PLEKHA4: variants seen among roughly 807,000 people sequenced by gnomAD.
PLEKHA4 encodes pleckstrin homology domain-containing family A member 4.
PLEKHA4 carries 73 observed loss-of-function variants against 94.7 expected under a neutral mutation model. That is an observed-to-expected ratio of 0.77 (90% CI 0.64 to 0.94). PLEKHA4 has a LOEUF of 0.94. Ranked by LOEUF, PLEKHA4 falls within the 40% of genes least tolerant of loss-of-function variation. The probability of loss-of-function intolerance (pLI) is 0.00; values close to 1 mark genes in which losing one functional copy is unlikely to be tolerated. For synonymous variants in PLEKHA4, 449 were observed against 437.1 expected (o/e 1.03, Z -0.34); for missense variants, 1,049 against 1,054.1 (o/e 1.00, Z 0.07).
Position 48,837,370 on chromosome 19 carries a change from A to G in PLEKHA4, c.2259T>C (p.Asp753=), listed in dbSNP as rs1568529571. 2 of 1,613,626 alleles carry G rather than the reference A, an allele frequency of 1.2e-6. No homozygotes were observed. Among genetic ancestry groups the G allele is most frequent in the Non-Finnish European group, 1.7e-6 (2 of 1,179,954 alleles). ...GGPTPWGPAW[D]AGIAPPVLPQ... Reference sequence around the variant, plus strand: ...GCAGGACCGGAGGGGCGATCCCGGCATCCCACGCGGGCCCCCAGGGGGTGG... The same window carrying G: ...GCAGGACCGGAGGGGCGATCCCGGCGTCCCACGCGGGCCCCCAGGGGGTGG... Residue 753 remains aspartate, a synonymous_variant, in exon 20 of 20, where the codon GAT becomes GAC. Coordinates refer to ENST00000263265, the MANE Select transcript of PLEKHA4 (RefSeq NM_020904.3). The surrounding 1 kb of genome is among the most constrained non-coding windows in gnomAD (Gnocchi z 4.3).
chr19:48,860,734 G>A (rs1177934830), intron 5 of PLEKHA4, among the ~76,000 whole-genome samples: 1 of 151,722 alleles, frequency 6.6e-6, no homozygotes, highest in Non-Finnish European at 1.5e-5. Context: ...ACTTTGCGTC[G>A]CTGCACGCCA....
Position 48,848,046 on chromosome 19 carries a change from G to A in PLEKHA4, c.1426-6C>T. 2 of 1,613,166 alleles carry A rather than the reference G, an allele frequency of 1.2e-6. No individual in the cohort carries two copies. Among genetic ancestry groups the A allele is most frequent in the Non-Finnish European group, 1.7e-6 (2 of 1,179,876 alleles). Reference sequence around the variant, plus strand: ...TGCTGAGCAGACACTCTGTCCTGCAGGGAGGAAAGGAATTTGTTACTTAAA... The same window carrying A: ...TGCTGAGCAGACACTCTGTCCTGCAAGGAGGAAAGGAATTTGTTACTTAAA... On this transcript the variant is annotated splice_polypyrimidine_tract_variant and splice_region_variant and intron_variant, in intron 13 of 19. Transcript: ENST00000263265.
At chr19:48,863,811 A>T (rs2036736277) in intron 3 of PLEKHA4, among the ~76,000 whole-genome samples, 1 of 152,058 alleles carries the variant, frequency 6.6e-6, no homozygotes, top group South Asian at 2.1e-4. Flanking sequence ...TGACCTTGTG[A>T]TCCACCTGCC....
chr19:48,837,431 C>T lies in PLEKHA4; in HGVS notation c.2198G>A (p.Gly733Glu), dbSNP rs764792399. Reference protein sequence around the residue: ...SPPVANSGSTGFSRRGSGRGG... With the variant: ...SPPVANSGSTEFSRRGSGRGG... ...ACGCCCACTCCCTCGGCGAGAGAAC[C>T]CCGTGGAACCCGAATTAGCCACCGG... The change falls in exon 20 of 20, where the codon GGG becomes GAG. Residue 733 changes from glycine to glutamate, a missense_variant. Physicochemically the swap from Gly to Glu is moderately conservative, Grantham distance 98. Coordinates refer to ENST00000263265, the MANE Select transcript of PLEKHA4 (RefSeq NM_020904.3). The surrounding 1 kb of genome is among the most constrained non-coding windows in gnomAD (Gnocchi z 4.3). 6.2e-7 allele frequency: 1 copy of T among 1,613,238 alleles called. No individual in the cohort carries two copies. Among genetic ancestry groups the T allele is most frequent in the Non-Finnish European group, 8.5e-7 (1 of 1,179,722 alleles).
At chr19:48,857,817 C>T (rs2036483742) in intron 8 of PLEKHA4, among the ~76,000 whole-genome samples, 1 of 150,908 alleles carries the variant, frequency 6.6e-6, no homozygotes, top group African/African-American at 2.4e-5. Flanking sequence ...AACCAGAGAC[C>T]TTTGTTCACT....
rs1234643393 is a variant in PLEKHA4 at position 48,852,268 on chromosome 19, C to G, written c.1385G>C (p.Arg462Thr). 6.2e-7 allele frequency: 1 copy of G among 1,614,004 alleles called. No homozygotes were observed. The highest frequency in any genetic ancestry group is 2.2e-5 in the East Asian group (1 of 44,880). The change falls in exon 13 of 20, where the codon AGA (arginine) becomes ACA (threonine). Residue 462 changes from arginine (R) to threonine (T), a missense_variant. Transcript: ENST00000263265. ...SGLEQELGTL[R>T]ETLEYLLHLG... ...GTGCAGCAGGTACTCCAGCGTCTCT[C>G]TTAAGGTGCCCAGCTCCTGCTCCAG... is the stretch of plus-strand genomic sequence containing the variant.
At position 48,865,638 on chromosome 19, in the gene PLEKHA4, C is replaced by T. The variant is rs370735767; in HGVS notation, c.85-28G>A. ...GAGGAGAGAAGGGGACAGAAGTGAA[C>T]AGGGAGAGCCTAGGATGGTCCTGGG... is the stretch of plus-strand genomic sequence containing the variant. On this transcript the variant is annotated intron_variant, in intron 2 of 19. Coordinates refer to ENST00000263265, the MANE Select transcript of PLEKHA4 (RefSeq NM_020904.3). 3.3e-6 allele frequency: 5 copies of T among 1,518,970 alleles called. No homozygotes were observed. In the African/African-American group the frequency reaches 5.6e-5, roughly 17 times the overall value. 94.1% of individuals were successfully genotyped at this position (1,518,970 alleles called of 1,614,324 possible).
chr19:48,839,492 T>C (rs1054865888), intron 17 of PLEKHA4, among the ~76,000 whole-genome samples: 2 of 152,178 alleles, frequency 1.3e-5, no homozygotes, highest in African/African-American at 4.8e-5. Flanking sequence ...CATAACTCAC[T>C]GTAGTCTCGA....
intron 9 of PLEKHA4, among the ~76,000 whole-genome samples, chr19:48,855,141 T>A (rs2036353086): frequency 6.6e-6 from 1 of 151,976 alleles, no homozygotes; most frequent in Non-Finnish European, 1.5e-5. Context: ...AATGGAGAAA[T>A]TTAGACATTT....
In PLEKHA4 at chr19:48,852,329, C is replaced by G; in HGVS notation, c.1327-3G>C. On this transcript the variant is annotated splice_polypyrimidine_tract_variant and splice_region_variant and intron_variant, in intron 12 of 19. Transcript: ENST00000263265. ...GTGTCCCAAACCCTCTCTCGCTCCT[C>G]AGGTTGCATAAAGGGGGAGACATAG... The G allele has an allele frequency of 6.2e-7, 1 of 1,613,006 alleles. No homozygotes were observed. Among genetic ancestry groups the G allele is most frequent in the Non-Finnish European group, 8.5e-7 (1 of 1,179,054 alleles).
intron 16 of PLEKHA4, chr19:48,844,625 A>C (rs188502985): frequency 2.0e-6 from 2 of 985,210 alleles, no homozygotes; most frequent in African/African-American, 3.5e-5. Flanking sequence ...ACTTCTGAAA[A>C]TCAGCCAATC....
intron 1 of PLEKHA4, 54 bp downstream of exon 1, chr19:48,868,029 G>C (rs747902984): frequency 7.5e-5 from 13 of 173,536 alleles, no homozygotes; most frequent in Admixed American, 2.8e-4. Context: ...CAAGCCCTGC[G>C]GCACCAGGAA....
In PLEKHA4 at chr19:48,839,351, A is replaced by G. The variant is rs376406613; in HGVS notation, c.1906-88T>C. ...TGAAGTGAAGGGGGCTCCAAAAGAG[A>G]ATGAAATTGCCCAAAAACACTGGCA... is the stretch of plus-strand genomic sequence containing the variant. On this transcript the variant is annotated intron_variant, in intron 17 of 19. Coordinates refer to ENST00000263265, the MANE Select transcript of PLEKHA4 (RefSeq NM_020904.3). The G allele has an allele frequency of 1.4e-4, 119 of 864,916 alleles. 1 individual carries two copies. The South Asian group carries it at 1.7e-3, about 12-fold the overall frequency. The allele number at this position is 864,916 out of a possible 1,614,324, so 53.6% of individuals were successfully genotyped here.
Position 48,854,209 on chromosome 19 carries a change from C to G in PLEKHA4, c.1095+8G>C, listed in dbSNP as rs1449119081. The G allele has an allele frequency of 6.2e-7, 1 of 1,613,928 alleles. No individual in the cohort carries two copies. The highest frequency in any genetic ancestry group is 8.5e-7 in the Non-Finnish European group (1 of 1,179,840). On this transcript the variant is annotated splice_region_variant and intron_variant, in intron 10 of 19. Coordinates refer to ENST00000263265, the MANE Select transcript of PLEKHA4 (RefSeq NM_020904.3). Reference sequence around the variant, plus strand: ...AACTCAGCAAGGATTAGATCAGTGACAACTTACATCTGTCTCCAAGCTTTG... The same window carrying G: ...AACTCAGCAAGGATTAGATCAGTGAGAACTTACATCTGTCTCCAAGCTTTG...
At chr19:48,846,228 C>T (rs903364290) in intron 14 of PLEKHA4, among the ~76,000 whole-genome samples, 5 of 151,540 alleles carry the variant, frequency 3.3e-5, no homozygotes, top group Non-Finnish European at 4.4e-5. Context: ...CCGAGGCAGG[C>T]GGATCACAAG....
In PLEKHA4 at chr19:48,857,584, G is replaced by T. The variant is rs894975233; in HGVS notation, c.973-88C>A. 1.2e-5 allele frequency: 9 copies of T among 756,502 alleles called. No homozygotes were observed. The African/African-American group carries it at 1.4e-4, about 12-fold the overall frequency. The allele number at this position is 756,502 out of a possible 1,614,324, so 46.9% of individuals were successfully genotyped here. On this transcript the variant is annotated intron_variant, in intron 8 of 19. Transcript: ENST00000263265. The stretch of plus-strand genomic sequence containing the variant: ...GTTCTGTACTAAGAAAAATTCTTCT[G>T]CCTTGGGATCCTGTTGATCTATGAC...
At chr19:48,844,157 T>C (rs943524627) in intron 16 of PLEKHA4, among the ~76,000 whole-genome samples, 13 of 100,972 alleles carry the variant, frequency 1.3e-4, no homozygotes, top group Non-Finnish European at 2.6e-4. Context: ...TTATTATTAT[T>C]ATTATTATTA....
At chr19:48,852,042 T>TA (rs982307882) in intron 13 of PLEKHA4, among the ~76,000 whole-genome samples, 186 bp downstream of exon 13, 63 of 151,028 alleles carry the variant, frequency 4.2e-4, no homozygotes, top group Admixed American at 1.2e-3. Context: ...TGAGAGAATT[T>TA]AAAAAAAAAC....
chr19:48,837,840 G>A lies in PLEKHA4; in HGVS notation c.2077+177C>T, dbSNP rs1001102979. 8.2e-5 allele frequency among the ~76,000 whole-genome samples: 12 copies of A among 146,440 alleles called. No homozygotes were observed. The highest frequency in any genetic ancestry group is 2.2e-4 in the South Asian group (1 of 4,550). On this transcript the variant is annotated intron_variant, in intron 19 of 19. Coordinates refer to ENST00000263265, the MANE Select transcript of PLEKHA4 (RefSeq NM_020904.3). The surrounding 1 kb of genome is among the most constrained non-coding windows in gnomAD (Gnocchi z 4.3). ...TTCCTCCCCTCCTCCCAAGTGTCCCGGACCCCAGTCACCTCTTGCCTGAGA... is the reference window on the plus strand; with the variant it reads ...TTCCTCCCCTCCTCCCAAGTGTCCCAGACCCCAGTCACCTCTTGCCTGAGA...
Sources: gnomAD v4.1 joint callset for allele counts (sites outside exome capture counted in the v4.1 genomes callset) on GRCh38, gnomAD v4.1.1 for gene constraint, Gnocchi (gnomAD v3.1) non-coding constraint, MANE v1.5 for transcripts, NCBI Gene and HGNC (gene_info 2026-07-23, HGNC 2026-07-21) for gene names.